FRYL: variants seen among roughly 807,000 people sequenced by gnomAD.
FRYL encodes the protein protein furry homolog-like.
Under a neutral mutation model 351.2 loss-of-function variants are expected in FRYL, and 150 were observed. The observed-to-expected ratio is 0.43, with a 90% CI of 0.37 to 0.49. FRYL has a LOEUF of 0.49. FRYL is among the 20% of genes least tolerant of loss of function. The pLI is 0.00. For missense variants in FRYL, 3,036 were observed against 3,619.3 expected (o/e 0.84, Z 4.13); for synonymous variants, 1,153 against 1,257.1 (o/e 0.92, Z 1.75).
chr4:48,545,939 G>A (rs1560576147), intron 42 of FRYL, 128 bp downstream of exon 42: 14 of 801,778 alleles, frequency 1.7e-5, no homozygotes, highest in Non-Finnish European at 2.8e-5. Context: ...AAAATACTGT[G>A]CAATACAAAC....
chr4:48,634,419 T>C lies in FRYL; in HGVS notation c.-9A>G. 1.2e-6 allele frequency: 2 copies of C among 1,612,720 alleles called. No individual in the cohort carries two copies. The highest frequency in any genetic ancestry group is 1.7e-6 in the Non-Finnish European group (2 of 1,179,004). On this transcript the variant is annotated 5_prime_UTR_variant, in exon 4 of 64. Coordinates refer to ENST00000358350, the MANE Select transcript of FRYL (RefSeq NM_015030.2). ...ATCGTAATGTTTGACATGATGATAT[T>C]TTTTTTTCCCCAAGTGGAATGAAAG...
chr4:48,708,923 T>TTTTTTGG (rs765291793), intron 2 of FRYL, among the ~76,000 whole-genome samples: 30 of 147,228 alleles, frequency 2.0e-4, no homozygotes, highest in African/African-American at 7.1e-4. Flanking sequence ...TTTTTTTTTG[T>TTTTTTGG]TTTTTGTTTT....
intron 2 of FRYL, among the ~76,000 whole-genome samples, chr4:48,693,981 C>T (rs1306265843): frequency 3.0e-5 from 3 of 99,106 alleles, no homozygotes; most frequent in Admixed American, 1.3e-4. Flanking sequence ...ACAGAGCCAC[C>T]AAAGTGTTTT....
intron 2 of FRYL, among the ~76,000 whole-genome samples, chr4:48,691,420 C>T (rs888272202): frequency 2.6e-5 from 4 of 151,692 alleles, no homozygotes; most frequent in Non-Finnish European, 4.4e-5. Flanking sequence ...GACTACTTTG[C>T]GATAATATTC....
intron 7 of FRYL, 87 bp from the exon 8 acceptor site, chr4:48,609,910 T>G: frequency 1.7e-6 from 1 of 598,698 alleles, no homozygotes; most frequent in Non-Finnish European, 2.9e-6. Flanking sequence ...AAATCAATAA[T>G]CAATCTTAAT....
At chr4:48,532,852 A>G (rs1289022698) in intron 49 of FRYL, among the ~76,000 whole-genome samples, 1 of 152,164 alleles carries the variant, frequency 6.6e-6, no homozygotes, top group African/African-American at 2.4e-5. Flanking sequence ...ATTCTGTGAA[A>G]TATTTAGTTG....
intron 49 of FRYL, among the ~76,000 whole-genome samples, chr4:48,531,948 AT>A (rs1327232533): frequency 4.0e-5 from 6 of 151,608 alleles, no homozygotes; most frequent in African/African-American, 1.5e-4. Flanking sequence ...TATTTTGGCT[AT>A]TTTAAAAAAA....
At chr4:48,505,731 C>A in intron 59 of FRYL, 116 bp from the exon 60 acceptor site, 1 of 633,578 alleles carries the variant, frequency 1.6e-6, no homozygotes, top group East Asian at 2.7e-5. Flanking sequence ...TGGTTGTAGA[C>A]CTAGACTTTT....
rs1324655331 is a variant in FRYL, at chr4:48,498,780, C to T, written c.*642G>A. On this transcript the variant is annotated 3_prime_UTR_variant, in exon 64 of 64. Transcript: ENST00000358350. Reference sequence around the variant, plus strand: ...GCTCTGAGACGTTATCACCAAACATCCATACCTTGAAAATATGACTATCAC... The same window carrying T: ...GCTCTGAGACGTTATCACCAAACATTCATACCTTGAAAATATGACTATCAC... 1 of 152,638 alleles carries T rather than the reference C, an allele frequency of 6.6e-6. No individual in the cohort carries two copies. Among genetic ancestry groups the T allele is most frequent in the African/African-American group, 2.4e-5 (1 of 41,444 alleles). The allele number at this position is 152,638 out of a possible 1,614,324, so 9.5% of individuals were successfully genotyped here.
At chr4:48,514,526 T>A (rs1723150437) in intron 56 of FRYL, among the ~76,000 whole-genome samples, 1 of 152,220 alleles carries the variant, frequency 6.6e-6, no homozygotes, top group Admixed American at 6.5e-5. Flanking sequence ...ATTTTTAATG[T>A]ATGGAGCATA....
intron 1 of FRYL, among the ~76,000 whole-genome samples, chr4:48,779,098 G>A (rs1387266320): frequency 2.6e-5 from 4 of 151,996 alleles, no homozygotes; most frequent in Admixed American, 2.0e-4. Flanking sequence ...AGGTGGCGAG[G>A]AACTAAACTA....
chr4:48,572,365 G>A (rs1228303981), intron 26 of FRYL, among the ~76,000 whole-genome samples: 2 of 152,176 alleles, frequency 1.3e-5, no homozygotes, highest in Non-Finnish European at 2.9e-5. Flanking sequence ...TTTTTCATGA[G>A]ATATTTCTCA....
intron 2 of FRYL, among the ~76,000 whole-genome samples, chr4:48,694,210 G>A (rs181953880): frequency 2.5e-3 from 377 of 152,052 alleles, no homozygotes; most frequent in Non-Finnish European, 4.1e-3. Flanking sequence ...GGGGGTGGGA[G>A]GTGGAGGAGA....
chr4:48,552,618 C>T (rs981272889), intron 36 of FRYL, among the ~76,000 whole-genome samples: 2 of 151,734 alleles, frequency 1.3e-5, no homozygotes, highest in African/African-American at 4.8e-5. Context: ...GAATAGGATG[C>T]TACTTTAAAA....
intron 2 of FRYL, among the ~76,000 whole-genome samples, chr4:48,692,542 G>A (rs1278343826): frequency 2.0e-5 from 3 of 152,060 alleles, no homozygotes; most frequent in Non-Finnish European, 4.4e-5. Context: ...ACAGGCACAT[G>A]CCACCACACC....
At chr4:48,772,616 A>G (rs905109846) in intron 1 of FRYL, among the ~76,000 whole-genome samples, 1 of 147,186 alleles carries the variant, frequency 6.8e-6, no homozygotes, top group African/African-American at 2.5e-5. Context: ...TCTTTCCAGC[A>G]TTCTTTACTA....
chr4:48,678,532 TAGAG>T (rs1251399196), intron 3 of FRYL, among the ~76,000 whole-genome samples: 25 of 72,140 alleles, frequency 3.5e-4, no homozygotes, highest in Middle Eastern at 9.3e-3. Flanking sequence ...AAAAAAAAAA[TAGAG>T]AGAGAAGGAA....
rs1490189694 is a variant in FRYL at position 48,497,683 on chromosome 4, C to G, written c.*1739G>C. The G allele has an allele frequency of 6.6e-6, 1 of 152,562 alleles. No individual in the cohort carries two copies. Among genetic ancestry groups the G allele is most frequent in the African/African-American group, 2.4e-5 (1 of 41,418 alleles). The allele number at this position is 152,562 out of a possible 1,614,324, so 9.5% of individuals were successfully genotyped here. ...ATCTCTGGACACCATCCCTCTCTGC[C>G]TGCCCCACACCCAAAAGTTTTAAAT... On this transcript the variant is annotated 3_prime_UTR_variant, in exon 64 of 64. Transcript: ENST00000358350.
chr4:48,655,815 T>C (rs1452927431), intron 3 of FRYL, among the ~76,000 whole-genome samples: 8 of 144,540 alleles, frequency 5.5e-5, no homozygotes, highest in Admixed American at 4.9e-4. Context: ...AAATTATATA[T>C]ACAGAATTAT....
Sources: allele counts gnomAD v4.1 joint callset (sites outside exome capture counted in the v4.1 genomes callset), GRCh38; gene constraint gnomAD v4.1.1; transcripts MANE v1.5; gene names NCBI Gene and HGNC (gene_info 2026-07-23, HGNC 2026-07-21).